The following IL1RAPL1 variants were observed in gnomAD, a reference collection of about 807,000 sequenced individuals.
The protein encoded by IL1RAPL1 is interleukin 1 receptor accessory protein like 1, also known as interleukin-1 receptor accessory protein-like 1.
IL1RAPL1 carries 3 observed loss-of-function variants against 48.4 expected under a neutral mutation model. That is an observed-to-expected ratio of 0.06 (90% confidence interval 0.03 to 0.16). IL1RAPL1 has a LOEUF of 0.16. Ranked by LOEUF, IL1RAPL1 falls within the 10% of genes least tolerant of loss-of-function variation. The pLI is 1.00. For synonymous variants in IL1RAPL1, 185 were observed against 187.7 expected (o/e 0.99, Z 0.12); for missense variants, 349 against 530.6 (o/e 0.66, Z 3.36).
intron 6 of IL1RAPL1, among the ~76,000 whole-genome samples, chrX:29,879,391 GTGTGTATA>G (rs1278015068): frequency 1.1e-3 from 110 of 98,456 alleles, no homozygotes; most frequent in African/African-American, 4.2e-3. Flanking sequence ...GTGTGTGTGT[GTGTGTATA>G]TATATATATA....
intron 5 of IL1RAPL1, among the ~76,000 whole-genome samples, chrX:29,530,468 A>C (rs1339796356): frequency 8.9e-6 from 1 of 111,881 alleles, no homozygotes; most frequent in East Asian, 2.8e-4. Context: ...GAGACAGTGT[A>C]ATACATGCTT....
At chrX:29,176,256 G>A (rs1297282776) in intron 2 of IL1RAPL1, among the ~76,000 whole-genome samples, 2 of 80,226 alleles carry the variant, frequency 2.5e-5, no homozygotes, top group Admixed American at 2.6e-4. Context: ...ACCACGCCTG[G>A]CTAATTTTTT....
chrX:29,758,509 A>G (rs1928670979), intron 6 of IL1RAPL1, among the ~76,000 whole-genome samples: 1 of 110,557 alleles, frequency 9.0e-6, no homozygotes, highest in South Asian at 3.8e-4. Context: ...CCTGACCAAC[A>G]TGGTGAAACC....
chrX:28,939,622 C>A (rs1296632285), intron 2 of IL1RAPL1, among the ~76,000 whole-genome samples: 1 of 110,720 alleles, frequency 9.0e-6, no homozygotes, highest in Non-Finnish European at 1.9e-5. Context: ...GTATAAAAAC[C>A]TCCTGTGACA....
intron 5 of IL1RAPL1, among the ~76,000 whole-genome samples, chrX:29,493,565 T>G (rs1935181101): frequency 8.9e-6 from 1 of 112,056 alleles, no homozygotes; most frequent in Admixed American, 9.5e-5. Context: ...AGTCTAAAAA[T>G]ACTTAATAAT....
chrX:28,610,831 T>C (rs1934138212), intron 1 of IL1RAPL1, among the ~76,000 whole-genome samples: 2 of 111,148 alleles, frequency 1.8e-5, no homozygotes, highest in South Asian at 8.0e-4. Context: ...TCTAATAAGC[T>C]CTCTGGTGAT....
At chrX:28,873,562 C>T (rs1314310110) in intron 2 of IL1RAPL1, among the ~76,000 whole-genome samples, 3 of 75,095 alleles carry the variant, frequency 4.0e-5, no homozygotes, top group African/African-American at 1.2e-4. Context: ...GACGGAGTCT[C>T]GCTCTGTCGC....
At chrX:29,075,988 A>G (rs1003078102) in intron 2 of IL1RAPL1, among the ~76,000 whole-genome samples, 2 of 111,760 alleles carry the variant, frequency 1.8e-5, no homozygotes, top group Non-Finnish European at 3.8e-5. Context: ...TATTAAAATT[A>G]CTAAGTAATT....
chrX:29,905,030 A>T (rs755445667), intron 6 of IL1RAPL1, among the ~76,000 whole-genome samples: 1 of 112,191 alleles, frequency 8.9e-6, no homozygotes, highest in Non-Finnish European at 1.9e-5. Context: ...CCTAGCCAGC[A>T]TCTATTGTTT....
chrX:29,602,234 C>T (rs768489575), intron 5 of IL1RAPL1, among the ~76,000 whole-genome samples: 1 of 110,053 alleles, frequency 9.1e-6, no homozygotes, highest in Non-Finnish European at 1.9e-5. Flanking sequence ...CCACCTGCCT[C>T]GGCCTTCCAA....
intron 8 of IL1RAPL1, among the ~76,000 whole-genome samples, chrX:29,936,506 T>C (rs1036366452): frequency 3.2e-5 from 3 of 93,449 alleles, no homozygotes; most frequent in Non-Finnish European, 6.3e-5. Flanking sequence ...GGCAAAATTC[T>C]ATATATATAG....
chrX:28,981,418 T>C (rs1479822674), intron 2 of IL1RAPL1, among the ~76,000 whole-genome samples: 2 of 111,225 alleles, frequency 1.8e-5, no homozygotes, highest in Admixed American at 9.6e-5. Context: ...TCAGGACCCC[T>C]GAACCAATAT....
At chrX:29,446,161 A>T (rs1187519182) in intron 5 of IL1RAPL1, among the ~76,000 whole-genome samples, 2 of 111,550 alleles carry the variant, frequency 1.8e-5, no homozygotes, top group African/African-American at 6.5e-5. Flanking sequence ...TTTTTTAATT[A>T]GAAAACTCAC....
chrX:29,553,339 T>TTTTC (rs1403117981), intron 5 of IL1RAPL1, among the ~76,000 whole-genome samples: 1 of 111,636 alleles, frequency 9.0e-6, no homozygotes, highest in Non-Finnish European at 1.9e-5. Flanking sequence ...AGCTTCCCAG[T>TTTTC]TTTCTTTTGT....
At chrX:28,796,697 G>A (rs1236428126) in intron 2 of IL1RAPL1, among the ~76,000 whole-genome samples, 2 of 111,047 alleles carry the variant, frequency 1.8e-5, no homozygotes, top group Non-Finnish European at 3.8e-5. Flanking sequence ...CTGCTTTCAC[G>A]GGCTAGTGTT....
At chrX:29,608,467 A>C (rs1190670188) in intron 5 of IL1RAPL1, among the ~76,000 whole-genome samples, 4 of 83,810 alleles carry the variant, frequency 4.8e-5, no homozygotes, top group African/African-American at 2.1e-4. Flanking sequence ...GAAAGGAAGA[A>C]AGAAAGGAGG....
chrX:29,807,646 A>AAAAAAAAG (rs1930287150), intron 6 of IL1RAPL1, among the ~76,000 whole-genome samples: 1 of 105,986 alleles, frequency 9.4e-6, no homozygotes, highest in Non-Finnish European at 1.9e-5. Context: ...AAAAAAAAAA[A>AAAAAAAAG]AAATGAAAGG....
chrX:28,631,882 C>T (rs1460391601), intron 1 of IL1RAPL1, among the ~76,000 whole-genome samples: 1 of 112,241 alleles, frequency 8.9e-6, no homozygotes, highest in Non-Finnish European at 1.9e-5. Flanking sequence ...AGAGCCTGTG[C>T]TCAAAAGACT....
At chrX:29,935,420 T>C (rs1379252523) in intron 8 of IL1RAPL1, among the ~76,000 whole-genome samples, 1 of 111,791 alleles carries the variant, frequency 8.9e-6, no homozygotes, top group Non-Finnish European at 1.9e-5. Flanking sequence ...CGGTTGACAT[T>C]CTGCTCTTAG....
Sources: allele counts gnomAD v4.1 joint callset (sites outside exome capture counted in the v4.1 genomes callset), GRCh38; gene constraint gnomAD v4.1.1; transcripts MANE v1.5; gene names NCBI Gene and HGNC (gene_info 2026-07-23, HGNC 2026-07-21).